Variants in COL5A1 observed in about 807,000 individuals in gnomAD.
COL5A1 encodes the protein collagen type V alpha 1 chain.
In COL5A1, 16 loss-of-function variants were observed where a neutral mutation model predicts 263.7. The observed-to-expected ratio is 0.06, with a 90% CI of 0.04 to 0.09. The LOEUF (loss-of-function observed/expected upper bound fraction) is 0.09, where lower values mean the gene tolerates loss of function less well. COL5A1 is among the 10% of genes least tolerant of loss of function. COL5A1 has a pLI of 1.00. For synonymous variants in COL5A1, 1,012 were observed against 1,004.5 expected, an observed-to-expected ratio of 1.01 and a Z score of -0.14; for missense variants, 2,036 against 2,540.5, an observed-to-expected ratio of 0.80 and a Z score of 4.27.
At chr9:134,708,422 G>GT (rs1044556789) in intron 4 of COL5A1, 18 of 408,478 alleles carry the variant, frequency 4.4e-5, no homozygotes, top group African/African-American at 3.1e-4. Flanking sequence ...CAACTCCCGG[G>GT]GTGGGGGCTC....
In COL5A1 at chr9:134,796,901, T is replaced by C; in HGVS notation, c.2898T>C (p.Pro966=). Residue 966 remains proline, a splice_region_variant and synonymous_variant, in exon 36 of 66, where the codon CCT becomes CCC. Transcript: ENST00000371817. Reference sequence around the variant, plus strand: ...GATTTCCTGGACCAAAGGGCCCCCCTGTAAGTAATGGCTTCCTTGCTGGGC... The same window carrying C: ...GATTTCCTGGACCAAAGGGCCCCCCCGTAAGTAATGGCTTCCTTGCTGGGC... ...PTGFPGPKGP[P]GPPGKDGLPG... is the part of the protein sequence containing the mutation. The C allele has an allele frequency of 6.2e-7, 1 of 1,613,742 alleles. No homozygotes were observed. The highest frequency in any genetic ancestry group is 8.5e-7 in the Non-Finnish European group (1 of 1,179,818).
chr9:134,645,176 A>G (rs1831435760), intron 1 of COL5A1, among the ~76,000 whole-genome samples: 2 of 152,302 alleles, frequency 1.3e-5, no homozygotes, highest in Admixed American at 1.3e-4. Context: ...TGGTTTCTCC[A>G]GTGATGTTAC....
chr9:134,759,828 A>G (rs1256343960), intron 18 of COL5A1, among the ~76,000 whole-genome samples: 1 of 48,304 alleles, frequency 2.1e-5, no homozygotes, highest in African/African-American at 1.4e-4. Context: ...ACACACCCAC[A>G]CCCCCCCACT....
At chr9:134,711,053 G>T (rs1415866573) in intron 4 of COL5A1, among the ~76,000 whole-genome samples, 1 of 152,012 alleles carries the variant, frequency 6.6e-6, no homozygotes, top group South Asian at 2.1e-4. Context: ...GGGACCACTT[G>T]GGGGGGCAGC....
intron 18 of COL5A1, among the ~76,000 whole-genome samples, chr9:134,760,679 CCCCACACTCATACATGCACACACACA>C (rs1836365823): frequency 7.4e-6 from 1 of 135,202 alleles, no homozygotes; most frequent in Non-Finnish European, 1.6e-5. Context: ...CATGCACACC[CCCCACACTCATACATGCACACACACA>C]CCCACACACC....
chr9:134,763,212 C>T (rs1306500097), intron 19 of COL5A1, among the ~76,000 whole-genome samples: 6 of 152,134 alleles, frequency 3.9e-5, no homozygotes, highest in African/African-American at 1.2e-4. Flanking sequence ...GCAAACAGCC[C>T]GTGGGTTGAA....
chr9:134,767,171 C>T, intron 23 of COL5A1, 118 bp downstream of exon 23: 1 of 1,408,088 alleles, frequency 7.1e-7, no homozygotes, highest in Non-Finnish European at 1.0e-6. Flanking sequence ...CAGCCCCTCC[C>T]CTTATCTGGA....
intron 65 of COL5A1, among the ~76,000 whole-genome samples, chr9:134,840,306 A>G (rs1839983388): frequency 6.6e-6 from 1 of 152,136 alleles, no homozygotes; most frequent in South Asian, 2.1e-4. Flanking sequence ...GGTTGTGAGA[A>G]GGGCAGGGTC....
chr9:134,707,259 A>G (rs1372642124), intron 4 of COL5A1, among the ~76,000 whole-genome samples: 1 of 152,210 alleles, frequency 6.6e-6, no homozygotes, highest in Non-Finnish European at 1.5e-5. Flanking sequence ...AGGGGCAACA[A>G]GACCAAACAG....
intron 1 of COL5A1, among the ~76,000 whole-genome samples, chr9:134,673,325 G>T (rs1832594456): frequency 1.3e-5 from 2 of 152,064 alleles, no homozygotes; most frequent in Non-Finnish European, 2.9e-5. Flanking sequence ...ATAGACCAAT[G>T]GAATAGAATC....
intron 31 of COL5A1, among the ~76,000 whole-genome samples, chr9:134,786,879 G>A (rs1455673747): frequency 1.3e-5 from 2 of 152,302 alleles, no homozygotes; most frequent in African/African-American, 4.8e-5. Context: ...GAGCAGTCTT[G>A]TTAACAGGAG....
rs748364311 is a variant in COL5A1, at chr9:134,802,939, C to T, written c.3058C>T (p.Pro1020Ser). The change falls in exon 39 of 66, where the codon CCT (proline) becomes TCT (serine). Residue 1020 changes from proline to serine, a missense_variant. By Grantham distance (74) the Pro-to-Ser change is moderately conservative (BLOSUM62 -1). This residue lies in a region of COL5A1 where 1,078 missense variants were observed against 1,521.4 expected (regional missense o/e 0.71). Coordinates refer to ENST00000371817, the MANE Select transcript of COL5A1 (RefSeq NM_000093.5). ...GGGTGAGCGTGGCCACCCTGGGCCC[C>T]CTGGACCCCCCGGTGAACAGGGGCT... ...PMGERGHPGPPGPPGEQGLPG... is the reference protein window; with the variant it reads ...PMGERGHPGPSGPPGEQGLPG... 1.2e-6 allele frequency: 2 copies of T among 1,611,482 alleles called. No individual in the cohort carries two copies. The highest frequency in any genetic ancestry group is 1.7e-5 in the Admixed American group (1 of 59,812).
chr9:134,725,286 C>A (rs544098074), intron 4 of COL5A1, among the ~76,000 whole-genome samples: 2 of 152,304 alleles, frequency 1.3e-5, no homozygotes, highest in South Asian at 4.1e-4. Flanking sequence ...TCGGTTTCCT[C>A]TGTTGTAGAG....
chr9:134,759,811 CACGCAT>C (rs1345990927), intron 18 of COL5A1, among the ~76,000 whole-genome samples: 16 of 114,532 alleles, frequency 1.4e-4, no homozygotes, highest in South Asian at 6.8e-4. Context: ...CACATGCACA[CACGCAT>C]ACACACCCAC....
chr9:134,689,809 G>A (rs1370967649), intron 1 of COL5A1, among the ~76,000 whole-genome samples: 1 of 152,134 alleles, frequency 6.6e-6, no homozygotes, highest in African/African-American at 2.4e-5. Flanking sequence ...CCGGCTGCTG[G>A]GTTCCTCCAA....
intron 41 of COL5A1, 123 bp downstream of exon 41, chr9:134,805,337 G>A: frequency 8.5e-7 from 1 of 1,176,468 alleles, no homozygotes; most frequent in Non-Finnish European, 1.3e-6. Context: ...GGGAGGATGT[G>A]GAGGGGGGAA....
At chr9:134,727,226 T>C (rs368212773) in intron 4 of COL5A1, 40 bp from the exon 5 acceptor site, 17 of 1,611,204 alleles carry the variant, frequency 1.1e-5, no homozygotes, top group Non-Finnish European at 1.4e-5. Context: ...ATGCGAGTGC[T>C]CTGTGAGCTG....
chr9:134,684,363 G>A (rs938261946), intron 1 of COL5A1, among the ~76,000 whole-genome samples: 1 of 152,246 alleles, frequency 6.6e-6, no homozygotes, highest in East Asian at 1.9e-4. Flanking sequence ...TGGGCTGGGT[G>A]CTGTGATGCT....
intron 65 of COL5A1, among the ~76,000 whole-genome samples, chr9:134,838,051 G>A (rs563794390): frequency 1.3e-5 from 2 of 152,322 alleles, no homozygotes; most frequent in African/African-American, 2.4e-5. Context: ...AAGCTCTTCC[G>A]AGAACTGGGC....
Sources: gnomAD v4.1 joint callset for allele counts (sites outside exome capture counted in the v4.1 genomes callset) on GRCh38, gnomAD v4.1.1 for gene constraint, gnomAD v4.1.1 regional missense constraint, MANE v1.5 for transcripts, NCBI Gene and HGNC (gene_info 2026-07-23, HGNC 2026-07-21) for gene names.